The following SLC17A8 variants were observed in gnomAD, a reference collection of about 807,000 sequenced individuals.
SLC17A8 encodes the protein vesicular glutamate transporter 3.
Under a neutral mutation model 58.0 loss-of-function variants are expected in SLC17A8, and 31 were observed. That is an observed-to-expected ratio of 0.53 (90% confidence interval 0.40 to 0.72). The LOEUF is 0.72. Ranked by LOEUF, SLC17A8 falls within the 30% of genes least tolerant of loss-of-function variation. The pLI, the probability that SLC17A8 is intolerant of heterozygous loss-of-function variation, is 0.00. For missense variants in SLC17A8, 655 were observed against 727.8 expected (o/e 0.90, Z 1.15); for synonymous variants, 228 against 249.0 (o/e 0.92, Z 0.79).
rs770384514 is a variant in SLC17A8 at position 100,380,768 on chromosome 12, A to T, written c.169A>T (p.Thr57Ser). Residue 57 changes from threonine to serine, a missense_variant, in exon 2 of 12, where the codon ACG becomes TCG. Thr to Ser is a moderately conservative substitution (Grantham distance 58, BLOSUM62 1). Coordinates refer to ENST00000323346, the MANE Select transcript of SLC17A8 (RefSeq NM_139319.3). Reference sequence around the variant, plus strand: ...GAATGAAGAAGGAAGGCCGGTGCAGACGTCCAGGCCAAGCCCCCCACTCTG... The same window carrying T: ...GAATGAAGAAGGAAGGCCGGTGCAGTCGTCCAGGCCAAGCCCCCCACTCTG... Reference protein sequence around the residue: ...ELNEEGRPVQTSRPSPPLCDC... With the variant: ...ELNEEGRPVQSSRPSPPLCDC... 1 of 1,614,118 alleles carries T rather than the reference A, an allele frequency of 6.2e-7. No individual in the cohort carries two copies. Among genetic ancestry groups the T allele is most frequent in the East Asian group, 2.2e-5 (1 of 44,876 alleles).
chr12:100,396,535 GC>G, intron 5 of SLC17A8, 118 bp downstream of exon 5: 1 of 753,894 alleles, frequency 1.3e-6, no homozygotes, highest in Non-Finnish European at 2.3e-6. Context: ...GATCCCTGGA[GC>G]CCAGGAGTTC....
At position 100,420,004 on chromosome 12, in the gene SLC17A8, T is replaced by G. The variant is rs372802080; in HGVS notation, c.1615T>G (p.Phe539Val). 4 of 1,613,866 alleles carry G rather than the reference T, an allele frequency of 2.5e-6. No homozygotes were observed. The highest frequency in any genetic ancestry group is 3.3e-5 in the Admixed American group (2 of 59,978). The change falls in exon 12 of 12, where the codon TTT becomes GTT. Residue 539 changes from phenylalanine to valine, a missense_variant. Transcript: ENST00000323346. ...GGAGATAGAACTCAACCATGAGAGTTTTGCGAGTCCCAAAAAGAAGATGTC... is the reference window on the plus strand; with the variant it reads ...GGAGATAGAACTCAACCATGAGAGTGTTGCGAGTCCCAAAAAGAAGATGTC... ...AEEIELNHES[F>V]ASPKKKMSYG... is the part of the protein sequence containing the mutation.
chr12:100,393,812 A>G (rs1952733472), intron 4 of SLC17A8, among the ~76,000 whole-genome samples: 1 of 152,220 alleles, frequency 6.6e-6, no homozygotes, highest in South Asian at 2.1e-4. Context: ...AAACAATTTA[A>G]GTGGATTCAT....
chr12:100,378,301 T>C (rs1345126185), intron 1 of SLC17A8, among the ~76,000 whole-genome samples: 1 of 152,188 alleles, frequency 6.6e-6, no homozygotes, highest in Non-Finnish European at 1.5e-5. Flanking sequence ...TATCAAATGC[T>C]GCTGCTAGGT....
chr12:100,360,318 T>G (rs1338775401), intron 1 of SLC17A8, among the ~76,000 whole-genome samples: 1 of 152,270 alleles, frequency 6.6e-6, no homozygotes, highest in Non-Finnish European at 1.5e-5. Context: ...TTACAATTTA[T>G]GTGTCCTTTA....
chr12:100,385,233 A>AT (rs397850732), intron 2 of SLC17A8, among the ~76,000 whole-genome samples: 7,979 of 106,656 alleles, frequency 0.075, 875 homozygotes, highest in African/African-American at 0.19. Context: ...TGTCTTAAAC[A>AT]TTTTTTTTTT....
intron 1 of SLC17A8, among the ~76,000 whole-genome samples, chr12:100,367,236 C>A (rs1345589457): frequency 5.3e-5 from 8 of 152,098 alleles, no homozygotes; most frequent in Non-Finnish European, 1.2e-4. Context: ...AAAGAGAGAC[C>A]TTTTAATTGA....
intron 4 of SLC17A8, among the ~76,000 whole-genome samples, chr12:100,395,454 T>A (rs1239946201): frequency 1.3e-5 from 2 of 152,028 alleles, no homozygotes; most frequent in African/African-American, 4.8e-5. Context: ...GCCTCCTGCA[T>A]AGCTGGGATA....
intron 1 of SLC17A8, 72 bp downstream of exon 1, chr12:100,357,564 T>A: frequency 1.9e-6 from 2 of 1,056,736 alleles, no homozygotes; most frequent in Non-Finnish European, 3.0e-6. Context: ...AGACTTGGTA[T>A]CACGTTTTTA....
At chr12:100,368,044 G>A (rs755032317) in intron 1 of SLC17A8, among the ~76,000 whole-genome samples, 3 of 152,180 alleles carry the variant, frequency 2.0e-5, no homozygotes, top group Admixed American at 6.5e-5. Context: ...GGCCTTTGCC[G>A]GGATGTTAGA....
At chr12:100,387,605 G>C (rs1002888273) in intron 2 of SLC17A8, among the ~76,000 whole-genome samples, 8 of 152,168 alleles carry the variant, frequency 5.3e-5, no homozygotes, top group Non-Finnish European at 1.0e-4. Flanking sequence ...TGAAGTGGGA[G>C]TTAGAGAAAG....
At position 100,420,033 on chromosome 12, in the gene SLC17A8, T is replaced by C. The variant is rs766553515; in HGVS notation, c.1644T>C (p.Tyr548=). The C allele has an allele frequency of 3.1e-6, 5 of 1,614,096 alleles. No homozygotes were observed. The highest frequency in any genetic ancestry group is 1.3e-5 in the African/African-American group (1 of 75,050). Residue 548 remains tyrosine, a synonymous_variant, in exon 12 of 12, where the codon TAT becomes TAC. Transcript: ENST00000323346. The part of the protein sequence containing the change: ...SFASPKKKMS[Y]GATSQNCEVQ... ...CGAGTCCCAAAAAGAAGATGTCTTATGGAGCCACCTCCCAGAATTGTGAAG... is the reference window on the plus strand; with the variant it reads ...CGAGTCCCAAAAAGAAGATGTCTTACGGAGCCACCTCCCAGAATTGTGAAG...
intron 5 of SLC17A8, among the ~76,000 whole-genome samples, chr12:100,401,440 A>C (rs2136004775): frequency 6.6e-6 from 1 of 151,806 alleles, no homozygotes; most frequent in African/African-American, 2.4e-5. Context: ...TGCTCTTTTT[A>C]GCTTCCAATA....
intron 10 of SLC17A8, among the ~76,000 whole-genome samples, chr12:100,416,336 T>A (rs949576591): frequency 6.6e-6 from 1 of 152,224 alleles, no homozygotes; most frequent in Non-Finnish European, 1.5e-5. Context: ...AATAAAGTGT[T>A]TATCACATTC....
chr12:100,396,043 C>T (rs113881336), intron 4 of SLC17A8, among the ~76,000 whole-genome samples: 11 of 152,312 alleles, frequency 7.2e-5, no homozygotes, highest in South Asian at 2.1e-4. Context: ...CATGGCAGAA[C>T]GGATGAGGGA....
intron 1 of SLC17A8, among the ~76,000 whole-genome samples, chr12:100,368,486 G>A (rs551438010): frequency 1.6e-4 from 24 of 152,224 alleles, no homozygotes; most frequent in African/African-American, 5.5e-4. Flanking sequence ...GGTATCGGGG[G>A]TTAGAACATC....
rs1041333068 is a variant in SLC17A8 at position 100,421,719 on chromosome 12, C to G, written c.*1560C>G. ...CATGTATTTCTGGTCCCCAGTGATA[C>G]TAGCTGAGTTGTAGTGTATTTTATA... On this transcript the variant is annotated 3_prime_UTR_variant, in exon 12 of 12. Coordinates refer to ENST00000323346, the MANE Select transcript of SLC17A8 (RefSeq NM_139319.3). 8 of 121,980 alleles carry G rather than the reference C, an allele frequency of 6.6e-5. No individual in the cohort carries two copies. The highest frequency in any genetic ancestry group is 3.3e-5 in the African/African-American group (1 of 30,480). The allele number at this position is 121,980 out of a possible 1,614,324, so 7.6% of individuals were successfully genotyped here.
At chr12:100,378,356 A>G (rs1439511341) in intron 1 of SLC17A8, among the ~76,000 whole-genome samples, 3 of 152,192 alleles carry the variant, frequency 2.0e-5, no homozygotes, top group South Asian at 2.1e-4. Context: ...GGACTGAGCC[A>G]TGAGGAGGGC....
intron 1 of SLC17A8, among the ~76,000 whole-genome samples, chr12:100,374,849 A>G (rs1267083735): frequency 6.6e-6 from 1 of 152,076 alleles, no homozygotes; most frequent in Non-Finnish European, 1.5e-5. Context: ...TCCTGTGCTC[A>G]GACCCCTCCC....
Sources: allele counts gnomAD v4.1 joint callset (sites outside exome capture counted in the v4.1 genomes callset), GRCh38; gene constraint gnomAD v4.1.1; transcripts MANE v1.5; gene names NCBI Gene and HGNC (gene_info 2026-07-23, HGNC 2026-07-21).